Variants in C8orf34 observed in about 807,000 individuals in gnomAD.
The protein encoded by C8orf34 is chromosome 8 open reading frame 34.
A neutral mutation model predicts 68.3 loss-of-function variants in C8orf34; 65 were observed. The ratio of observed to expected loss-of-function variants is 0.95; its 90% CI spans 0.78 to 1.17. C8orf34 has a LOEUF of 1.17. Ranked by LOEUF, C8orf34 falls within the 50% of genes most tolerant of loss-of-function variation. The pLI is 0.00. For synonymous variants in C8orf34, 244 were observed against 241.2 expected (o/e 1.01, Z -0.11); for missense variants, 664 against 655.4 (o/e 1.01, Z -0.14).
intron 9 of C8orf34, among the ~76,000 whole-genome samples, chr8:68,710,107 TG>T (rs1821289489): frequency 6.6e-6 from 1 of 152,048 alleles, no homozygotes; most frequent in Non-Finnish European, 1.5e-5. Context: ...AGGATTAAGA[TG>T]GTGGACAGGA....
intron 3 of C8orf34, among the ~76,000 whole-genome samples, chr8:68,467,067 T>C (rs1295545094): frequency 1.3e-5 from 2 of 151,622 alleles, no homozygotes; most frequent in Non-Finnish European, 2.9e-5. Flanking sequence ...ATGTTGCTTC[T>C]GGTTCCTAAA....
intron 10 of C8orf34, among the ~76,000 whole-genome samples, chr8:68,775,062 A>T (rs867097385): frequency 2.1e-5 from 3 of 145,884 alleles, no homozygotes; most frequent in Non-Finnish European, 3.0e-5. Flanking sequence ...AAGTTGCAGT[A>T]AGCCCAGGAA....
At chr8:68,774,790 G>A (rs1823458983) in intron 10 of C8orf34, among the ~76,000 whole-genome samples, 1 of 151,448 alleles carries the variant, frequency 6.6e-6, no homozygotes, top group Non-Finnish European at 1.5e-5. Context: ...GTTTTAAATT[G>A]TTGTATCTCA....
At chr8:68,567,611 T>C (rs1222115588) in intron 7 of C8orf34, among the ~76,000 whole-genome samples, 1 of 93,490 alleles carries the variant, frequency 1.1e-5, no homozygotes, top group Non-Finnish European at 2.0e-5. Context: ...TTTTTTTTTT[T>C]TGAGGAGGAG....
intron 10 of C8orf34, among the ~76,000 whole-genome samples, chr8:68,753,615 C>T (rs1822766735): frequency 6.6e-6 from 1 of 152,132 alleles, no homozygotes; most frequent in Non-Finnish European, 1.5e-5. Context: ...GTATCTCCTT[C>T]TAGATTTACA....
At chr8:68,332,243 G>C (rs998582391) in intron 1 of C8orf34, among the ~76,000 whole-genome samples, 3 of 152,178 alleles carry the variant, frequency 2.0e-5, no homozygotes, top group Non-Finnish European at 4.4e-5. Flanking sequence ...GGGGTGGGGC[G>C]TGCGGACCGT....
intron 1 of C8orf34, among the ~76,000 whole-genome samples, chr8:68,405,370 A>C (rs1039934347): frequency 6.6e-6 from 1 of 152,158 alleles, no homozygotes; most frequent in Non-Finnish European, 1.5e-5. Context: ...CTAAAATAAA[A>C]TATTGTTATA....
intron 1 of C8orf34, among the ~76,000 whole-genome samples, chr8:68,397,028 G>T (rs1052215585): frequency 1.3e-5 from 2 of 151,156 alleles, no homozygotes; most frequent in Non-Finnish European, 2.9e-5. Flanking sequence ...TTTTTTTGAG[G>T]TAGAGTCTCA....
At chr8:68,573,967 A>C (rs930089444) in intron 7 of C8orf34, among the ~76,000 whole-genome samples, 6 of 152,172 alleles carry the variant, frequency 3.9e-5, no homozygotes, top group Non-Finnish European at 5.9e-5. Context: ...GCACATTTTC[A>C]ATGAGCATTA....
At chr8:68,371,004 G>A (rs943821145) in intron 1 of C8orf34, among the ~76,000 whole-genome samples, 2 of 152,120 alleles carry the variant, frequency 1.3e-5, no homozygotes, top group South Asian at 2.1e-4. Flanking sequence ...TGGGTCTTAA[G>A]GGAAAGAGGT....
intron 2 of C8orf34, 25 bp from the exon 3 acceptor site, chr8:68,446,303 AT>A (rs1554551320): frequency 1.3e-6 from 2 of 1,554,008 alleles, no homozygotes; most frequent in Non-Finnish European, 1.7e-6. Flanking sequence ...CTTTGTTGCC[AT>A]TTTATATATA....
At chr8:68,525,952 C>CTTTTT in intron 6 of C8orf34, 1 of 177,824 alleles carries the variant, frequency 5.6e-6, no homozygotes, top group Non-Finnish European at 1.1e-5. Context: ...AAATTTCTTT[C>CTTTTT]TTTCTTTTTT....
rs188966438 is a variant in C8orf34, at chr8:68,565,958, G to C, written c.1105+32809G>C. On this transcript the variant is annotated intron_variant, in intron 7 of 13. Coordinates refer to ENST00000518698, the MANE Select transcript of C8orf34 (RefSeq NM_052958.4). ...GGAAGATACAAATTATACAAAAATAGGTAAGAATGAAGTTGGCTAAACAAG... is the reference window on the plus strand; with the variant it reads ...GGAAGATACAAATTATACAAAAATACGTAAGAATGAAGTTGGCTAAACAAG... Among the ~76,000 whole-genome samples the C allele has an allele frequency of 3.3e-5, 5 of 152,220 alleles. No individual in the cohort carries two copies. The East Asian group carries it at 9.7e-4, about 29-fold the overall frequency.
intron 7 of C8orf34, among the ~76,000 whole-genome samples, chr8:68,629,805 G>T (rs1402208118): frequency 6.6e-6 from 1 of 151,990 alleles, no homozygotes; most frequent in South Asian, 2.1e-4. Context: ...ATGTTTAAGT[G>T]AGTGCATGTG....
chr8:68,690,588 A>G (rs1156666787), intron 8 of C8orf34, among the ~76,000 whole-genome samples: 1 of 151,896 alleles, frequency 6.6e-6, no homozygotes, highest in East Asian at 1.9e-4. Context: ...GTTCCCTTCC[A>G]CCTCTTCTAT....
rs1168925641 is a variant in C8orf34, at chr8:68,787,517, G to T, written c.1530G>T (p.Val510=). Residue 510 remains valine, a synonymous_variant, in exon 12 of 14, where the codon GTG becomes GTT. Transcript: ENST00000518698. The part of the protein sequence containing the change: ...ILPSDTESEG[V]EAEQEKRSAD... ...CAAGTGACACAGAAAGTGAAGGAGT[G>T]GAAGCAGAACAAGAGAAACGTGAGT... The T allele has an allele frequency of 6.2e-7, 1 of 1,610,024 alleles. No homozygotes were observed. The highest frequency in any genetic ancestry group is 8.5e-7 in the Non-Finnish European group (1 of 1,177,558).
chr8:68,494,816 A>G (rs1813456224), intron 5 of C8orf34, among the ~76,000 whole-genome samples: 1 of 151,878 alleles, frequency 6.6e-6, no homozygotes, highest in South Asian at 2.1e-4. Context: ...AGATCACGCT[A>G]CTACACTCCA....
At chr8:68,591,650 A>T (rs1817391221) in intron 7 of C8orf34, among the ~76,000 whole-genome samples, 1 of 152,204 alleles carries the variant, frequency 6.6e-6, no homozygotes, top group Admixed American at 6.5e-5. Flanking sequence ...CGACGTTATG[A>T]ATGATTCTAT....
At chr8:68,465,016 C>A (rs1394782644) in intron 3 of C8orf34, among the ~76,000 whole-genome samples, 1 of 150,506 alleles carries the variant, frequency 6.6e-6, no homozygotes, top group Non-Finnish European at 1.5e-5. Context: ...AACAGGCAAC[C>A]TACAAAATGG....
Sources: allele counts gnomAD v4.1 joint callset (sites outside exome capture counted in the v4.1 genomes callset), GRCh38; gene constraint gnomAD v4.1.1; transcripts MANE v1.5; gene names NCBI Gene and HGNC (gene_info 2026-07-23, HGNC 2026-07-21).